CDC42EP5: variants seen among roughly 807,000 people sequenced by gnomAD.
The protein encoded by CDC42EP5 is CDC42 effector protein 5, also known as CDC42 effector protein (Rho GTPase binding) 5.
For missense variants in CDC42EP5, 269 were observed against 238.0 expected, an observed-to-expected ratio of 1.13 and a Z score of -0.86; for synonymous variants, 118 against 123.3, an observed-to-expected ratio of 0.96 and a Z score of 0.28.
intron 2 of CDC42EP5, 68 bp from the exon 3 acceptor site, chr19:54,465,615 G>A: frequency 3.0e-6 from 4 of 1,348,754 alleles, no homozygotes; most frequent in Non-Finnish European, 3.8e-6. Flanking sequence ...CTGCTCAAAG[G>A]ACGATGGGGG....
chr19:54,465,574 C>T, intron 2 of CDC42EP5, 27 bp from the exon 3 acceptor site: 1 of 1,446,074 alleles, frequency 6.9e-7, no homozygotes, highest in Middle Eastern at 2.5e-4. Context: ...AGGGTCAGCG[C>T]GGCCCCAGCC....
intron 2 of CDC42EP5, among the ~76,000 whole-genome samples, chr19:54,468,599 G>A (rs1245440617): frequency 1.3e-5 from 2 of 152,016 alleles, no homozygotes; most frequent in East Asian, 1.9e-4. Context: ...GCTGGAGTGC[G>A]GTGGTGAGAT....
rs1384973663 is a variant in CDC42EP5 at position 54,468,533 on chromosome 19, A to C, written c.1-2986T>G. Among the ~76,000 whole-genome samples, 3 of 152,164 alleles carry C rather than the reference A, an allele frequency of 2.0e-5. No individual in the cohort carries two copies. In the East Asian group the frequency reaches 5.8e-4, roughly 29 times the overall value. On this transcript the variant is annotated intron_variant, in intron 2 of 2. Coordinates refer to ENST00000301200, the MANE Select transcript of CDC42EP5 (RefSeq NM_145057.4). ...TCTCCTTCCCCATAATGGAAATAAA[A>C]ATTTTAAGAAACAAGATTTGTCTTG...
rs1000015318 is a variant in CDC42EP5 at position 54,465,694 on chromosome 19, G to A, written c.1-147C>T. On this transcript the variant is annotated intron_variant, in intron 2 of 2. Coordinates refer to ENST00000301200, the MANE Select transcript of CDC42EP5 (RefSeq NM_145057.4). ...AGTCTCGCCCATGCTGGAGTTCAATGGCGCCATCCCGGCTCACCGCAACCT... is the reference window on the plus strand; with the variant it reads ...AGTCTCGCCCATGCTGGAGTTCAATAGCGCCATCCCGGCTCACCGCAACCT... The A allele has an allele frequency of 4.7e-6, 5 of 1,054,240 alleles. No individual in the cohort carries two copies. The African/African-American group carries it at 6.7e-5, about 14-fold the overall frequency. The allele number at this position is 1,054,240 out of a possible 1,614,324, so 65.3% of individuals were successfully genotyped here.
chr19:54,469,310 C>G (rs2084804237), intron 2 of CDC42EP5, among the ~76,000 whole-genome samples: 1 of 151,924 alleles, frequency 6.6e-6, no homozygotes, highest in Non-Finnish European at 1.5e-5. Flanking sequence ...CTGATATTTT[C>G]TATTGTAATC....
intron 2 of CDC42EP5, among the ~76,000 whole-genome samples, chr19:54,470,949 G>A (rs2084827095): frequency 6.6e-6 from 1 of 152,216 alleles, no homozygotes; most frequent in Non-Finnish European, 1.5e-5. Flanking sequence ...CGAGTTGGAA[G>A]TCGTTTTCGA....
intron 2 of CDC42EP5, among the ~76,000 whole-genome samples, chr19:54,470,933 G>A (rs1431447869): frequency 6.6e-6 from 1 of 152,178 alleles, no homozygotes; most frequent in Admixed American, 6.5e-5. Flanking sequence ...GTCCAGACCA[G>A]AACAACGAGT....
chr19:54,467,004 G>A (rs932111041), intron 2 of CDC42EP5, among the ~76,000 whole-genome samples: 4 of 149,120 alleles, frequency 2.7e-5, no homozygotes, highest in Admixed American at 2.0e-4. Flanking sequence ...TGTTGGTCAG[G>A]CTGGTCTTGA....
chr19:54,468,934 TTCTTCCCTCCCTCCCTC>T (rs2084797138), intron 2 of CDC42EP5, among the ~76,000 whole-genome samples: 1 of 146,514 alleles, frequency 6.8e-6, no homozygotes, highest in Admixed American at 6.8e-5. Flanking sequence ...TTTCTTTCTT[TTCTTCCCTCCCTCCCTC>T]CTTCCTTCCT....
At chr19:54,469,289 C>T (rs1385353212) in intron 2 of CDC42EP5, among the ~76,000 whole-genome samples, 4 of 152,078 alleles carry the variant, frequency 2.6e-5, no homozygotes, top group South Asian at 2.1e-4. Flanking sequence ...CCACCACACC[C>T]GGCCCCTACT....
At position 54,466,733 on chromosome 19, in the gene CDC42EP5, A is replaced by G. The variant is rs116576131; in HGVS notation, c.1-1186T>C. Among the ~76,000 whole-genome samples, 1,041 of 152,334 alleles carry G rather than the reference A, an allele frequency of 6.8e-3. 11 individuals carry two copies. The highest frequency in any genetic ancestry group is 0.024 in the African/African-American group (1,001 of 41,576). On this transcript the variant is annotated intron_variant, in intron 2 of 2. Transcript: ENST00000301200. ...GAGTACAAGTTTCAAACAATATAAC[A>G]ATTATTTGCAAAGCATTTACATTGT...
chr19:54,465,105 A>C lies in CDC42EP5; in HGVS notation c.443T>G (p.Leu148Arg), dbSNP rs746926254. The change falls in exon 3 of 3, where the codon CTC (leucine) becomes CGC (arginine). Residue 148 changes from leucine to arginine, a missense_variant. Transcript: ENST00000301200. Reference protein sequence around the residue: ...ADLELNDVIGL With the variant: ...ADLELNDVIGR ...GGGCGCGGGGAATGAGGGAACCTAG[A>C]GGCCGATGACGTCGTTCAGCTCGAG... 1 of 1,366,510 alleles carries C rather than the reference A, an allele frequency of 7.3e-7. No homozygotes were observed. Among genetic ancestry groups the C allele is most frequent in the South Asian group, 1.8e-5 (1 of 56,134 alleles). The allele number at this position is 1,366,510 out of a possible 1,614,324, so 84.6% of individuals were successfully genotyped here.
intron 2 of CDC42EP5, among the ~76,000 whole-genome samples, chr19:54,468,382 T>C (rs1218446824): frequency 2.0e-5 from 3 of 150,768 alleles, no homozygotes; most frequent in African/African-American, 7.3e-5. Flanking sequence ...CACACACTCT[T>C]TACATTGATT....
intron 2 of CDC42EP5, among the ~76,000 whole-genome samples, chr19:54,467,742 C>G (rs565444951): frequency 1.3e-5 from 2 of 152,100 alleles, no homozygotes; most frequent in Non-Finnish European, 2.9e-5. Flanking sequence ...AGGCTGGACT[C>G]AAACTCATGA....
chr19:54,468,629 C>T (rs767905739), intron 2 of CDC42EP5, among the ~76,000 whole-genome samples: 7 of 152,002 alleles, frequency 4.6e-5, no homozygotes, highest in Non-Finnish European at 8.8e-5. Flanking sequence ...CTGCAACCTC[C>T]GCCTCCCGGA....
Position 54,465,321 on chromosome 19 carries a change from A to ACGGCGGG in CDC42EP5, c.220_226dup (p.Val76AlafsTer?), listed in dbSNP as rs1436037336. On this transcript the variant is annotated frameshift_variant, in exon 3 of 3. Transcript: ENST00000301200. LOFTEE classifies it low-confidence loss of function (END_TRUNC). The stretch of plus-strand genomic sequence containing the variant: ...AGGCGAGGGCGCTGCGGACTGCGGG[A>ACGGCGGG]CGGCGGGCGGCGGCGGGGAGCGCGG... 1.0e-5 allele frequency: 12 copies of ACGGCGGG among 1,200,262 alleles called. No homozygotes were observed. In the South Asian group the frequency reaches 4.1e-4, roughly 41 times the overall value. The allele number at this position is 1,200,262 out of a possible 1,614,324, so 74.4% of individuals were successfully genotyped here. A position where few individuals can be genotyped will look rare whatever the true frequency, so the allele number is the denominator to read the frequency against.
chr19:54,465,070 C>G lies in CDC42EP5; in HGVS notation c.*31G>C, dbSNP rs932747835. On this transcript the variant is annotated 3_prime_UTR_variant, in exon 3 of 3. Coordinates refer to ENST00000301200, the MANE Select transcript of CDC42EP5 (RefSeq NM_145057.4). ...GTTTATGTATACAGAAGTGGGGTGC[C>G]GGGCGGGAAGGGCGCGGGGAATGAG... is the stretch of plus-strand genomic sequence containing the variant. 6.1e-6 allele frequency: 8 copies of G among 1,301,236 alleles called. No homozygotes were observed. The highest frequency in any genetic ancestry group is 7.8e-6 in the Non-Finnish European group (8 of 1,023,132). 80.6% of individuals were successfully genotyped at this position (1,301,236 alleles called of 1,614,324 possible). A position where few individuals can be genotyped will look rare whatever the true frequency, so the allele number is the denominator to read the frequency against.
chr19:54,471,801 T>C, intron 1 of CDC42EP5, 116 bp from the exon 2 acceptor site: 1 of 164,926 alleles, frequency 6.1e-6, no homozygotes, highest in Non-Finnish European at 1.3e-5. Context: ...ATCTTCGCTT[T>C]CTTAATCCCA....
intron 1 of CDC42EP5, 84 bp from the exon 2 acceptor site, chr19:54,471,769 C>A: frequency 6.3e-6 from 1 of 158,220 alleles, no homozygotes; most frequent in East Asian, 1.8e-4. Context: ...CCTCCTTCGC[C>A]CTCAGGTCCT....
Sources: allele counts gnomAD v4.1 joint callset (sites outside exome capture counted in the v4.1 genomes callset), GRCh38; gene constraint gnomAD v4.1.1; transcripts MANE v1.5; gene names NCBI Gene and HGNC (gene_info 2026-07-23, HGNC 2026-07-21).